Variants in SLC25A26 observed in about 807,000 individuals in gnomAD.
The protein encoded by SLC25A26 is mitochondrial S-adenosylmethionine carrier protein.
In SLC25A26, 36 loss-of-function variants were observed where a neutral mutation model predicts 37.8. The ratio of observed to expected loss-of-function variants is 0.95; its 90% CI spans 0.73 to 1.26. The LOEUF is 1.26. Among genes scored for constraint, SLC25A26 ranks in the 50% most tolerant of loss-of-function variants. The pLI, the probability that SLC25A26 is intolerant of heterozygous loss-of-function variation, is 0.00. For missense variants in SLC25A26, 390 were observed against 331.1 expected (o/e 1.18, Z -1.38); for synonymous variants, 129 against 122.5 (o/e 1.05, Z -0.35).
chr3:66,317,060 C>G (rs2075559712), intron 5 of SLC25A26, among the ~76,000 whole-genome samples: 1 of 152,184 alleles, frequency 6.6e-6, no homozygotes, highest in African/African-American at 2.4e-5. Flanking sequence ...ACTCCTTTAT[C>G]TCAGCAAAGT....
intron 5 of SLC25A26, among the ~76,000 whole-genome samples, chr3:66,332,218 G>T (rs1323554446): frequency 6.6e-6 from 1 of 152,034 alleles, no homozygotes; most frequent in Non-Finnish European, 1.5e-5. Flanking sequence ...GATTACAGGC[G>T]TGAGCCACCA....
At chr3:66,246,097 G>A (rs1448219629) in intron 3 of SLC25A26, among the ~76,000 whole-genome samples, 2 of 152,150 alleles carry the variant, frequency 1.3e-5, no homozygotes, top group African/African-American at 4.8e-5. Context: ...ACTTTTTTCA[G>A]CTAGTGTAGT....
chr3:66,228,518 C>T (rs1553661777), intron 1 of SLC25A26, among the ~76,000 whole-genome samples: 3 of 152,172 alleles, frequency 2.0e-5, no homozygotes, highest in African/African-American at 4.8e-5. Context: ...TATCTCACCT[C>T]CCCAAATCAG....
At chr3:66,377,633 G>A in intron 9 of SLC25A26, 57 bp from the exon 10 acceptor site, 1 of 1,398,696 alleles carries the variant, frequency 7.1e-7, no homozygotes, top group Non-Finnish European at 1.0e-6. Flanking sequence ...GTGGGTATTG[G>A]AATTTAACCT....
chr3:66,208,955 T>C (rs2071224441), intron 1 of SLC25A26, among the ~76,000 whole-genome samples: 1 of 109,550 alleles, frequency 9.1e-6, no homozygotes, highest in Non-Finnish European at 1.8e-5. Context: ...TTTATATATA[T>C]ATACCCATAT....
intron 5 of SLC25A26, among the ~76,000 whole-genome samples, chr3:66,279,299 T>G (rs1397274433): frequency 6.6e-6 from 1 of 152,188 alleles, no homozygotes; most frequent in African/African-American, 2.4e-5. Context: ...TGTTTGGGCT[T>G]CTATTCTTGG....
intron 1 of SLC25A26, among the ~76,000 whole-genome samples, chr3:66,222,232 G>C (rs956219053): frequency 6.6e-6 from 1 of 150,660 alleles, no homozygotes; most frequent in African/African-American, 2.4e-5. Flanking sequence ...CCAGGCTGGA[G>C]TGTGGTGGCG....
chr3:66,376,106 A>T lies in SLC25A26; in HGVS notation c.708-1584A>T, dbSNP rs1474163597. ...CCGTAGTCAGAAGTGGAGCCTGAAGATGTAAAGAATTGCCACAATCTCATG... is the reference window on the plus strand; with the variant it reads ...CCGTAGTCAGAAGTGGAGCCTGAAGTTGTAAAGAATTGCCACAATCTCATG... On this transcript the variant is annotated intron_variant, in intron 9 of 9. Transcript: ENST00000354883. Among the ~76,000 whole-genome samples the T allele has an allele frequency of 2.0e-5, 3 of 150,830 alleles. No homozygotes were observed. In the Admixed American group the frequency reaches 2.0e-4, roughly 10 times the overall value.
At chr3:66,214,389 C>G (rs1181658817) in intron 1 of SLC25A26, among the ~76,000 whole-genome samples, 3 of 152,184 alleles carry the variant, frequency 2.0e-5, no homozygotes, top group Non-Finnish European at 4.4e-5. Context: ...ATATGTTACA[C>G]AACCTAAAGT....
In SLC25A26 at chr3:66,377,791, G is replaced by C; in HGVS notation, c.809G>C (p.Gly270Ala). The change falls in exon 10 of 10, where the codon GGC (glycine) becomes GCC (alanine). Residue 270 changes from glycine (G) to alanine (A), a missense_variant. Coordinates refer to ENST00000354883, the MANE Select transcript of SLC25A26 (RefSeq NM_001379210.1). Reference sequence around the variant, plus strand: ...ACGCACAGCTTGCTGTTGGAAGTTGGCAGAAAGAGTCCTTGAAGCAGAGAC... The same window carrying C: ...ACGCACAGCTTGCTGTTGGAAGTTGCCAGAAAGAGTCCTTGAAGCAGAGAC... ...DRTHSLLLEVGRKSP is the reference protein window; with the variant it reads ...DRTHSLLLEVARKSP 6.2e-7 allele frequency: 1 copy of C among 1,613,712 alleles called. No homozygotes were observed. The highest frequency in any genetic ancestry group is 8.5e-7 in the Non-Finnish European group (1 of 1,179,700).
intron 6 of SLC25A26, among the ~76,000 whole-genome samples, chr3:66,357,930 C>T (rs1223569723): frequency 6.6e-6 from 1 of 152,106 alleles, no homozygotes; most frequent in Non-Finnish European, 1.5e-5. Flanking sequence ...TGCCCCTCAC[C>T]TGTTTTTGTG....
chr3:66,156,595 C>A (rs1288756623), intron 1 of SLC25A26, among the ~76,000 whole-genome samples: 1 of 152,154 alleles, frequency 6.6e-6, no homozygotes, highest in Non-Finnish European at 1.5e-5. Flanking sequence ...ATGTTCCTTG[C>A]AATTCTCCTT....
chr3:66,246,288 T>C (rs966161517), intron 3 of SLC25A26, among the ~76,000 whole-genome samples: 3 of 152,198 alleles, frequency 2.0e-5, no homozygotes, highest in African/African-American at 7.2e-5. Flanking sequence ...GGCCACTTCA[T>C]TTCACCTGGG....
intron 1 of SLC25A26, among the ~76,000 whole-genome samples, chr3:66,145,077 T>A (rs950162353): frequency 6.6e-6 from 1 of 152,112 alleles, no homozygotes; most frequent in Middle Eastern, 3.4e-3. Flanking sequence ...GTAAAATCAA[T>A]GGATTGGAAA....
intron 3 of SLC25A26, among the ~76,000 whole-genome samples, chr3:66,257,244 A>G (rs2073339177): frequency 6.6e-6 from 1 of 152,048 alleles, no homozygotes; most frequent in African/African-American, 2.4e-5. Context: ...GGACCTAAAA[A>G]GATACCATAA....
chr3:66,298,576 TAAGAA>T (rs61082490), intron 5 of SLC25A26, among the ~76,000 whole-genome samples: 148 of 152,346 alleles, frequency 9.7e-4, no homozygotes, highest in African/African-American at 3.2e-3. Context: ...GAAAGTGTCT[TAAGAA>T]AAGAGCATTT....
Position 66,314,774 on chromosome 3 carries a change from G to T in SLC25A26, c.454-31590G>T, listed in dbSNP as rs552609309. ...GGGCTTTTTTTTGTTTTTTTTTTTA[G>T]TTATTTATTACTGCCTCAATTTCAG... On this transcript the variant is annotated intron_variant, in intron 5 of 9. Coordinates refer to ENST00000354883, the MANE Select transcript of SLC25A26 (RefSeq NM_001379210.1). Among the ~76,000 whole-genome samples the T allele has an allele frequency of 2.3e-4, 33 of 146,132 alleles. No individual in the cohort carries two copies. The South Asian group carries it at 2.6e-3, about 11-fold the overall frequency.
chr3:66,184,503 A>G (rs955140441), intron 1 of SLC25A26, among the ~76,000 whole-genome samples: 1 of 47,262 alleles, frequency 2.1e-5, no homozygotes, highest in East Asian at 4.2e-4. Context: ...GTGACCATCA[A>G]ATGATTCTAC....
At chr3:66,153,775 GGTCTTGTA>G (rs1164348673) in intron 1 of SLC25A26, among the ~76,000 whole-genome samples, 75 of 152,230 alleles carry the variant, frequency 4.9e-4, no homozygotes, top group African/African-American at 1.8e-3. Context: ...TGCTGGGCTT[GGTCTTGTA>G]AAGCCAAATG....
Sources: gnomAD v4.1 joint callset for allele counts (sites outside exome capture counted in the v4.1 genomes callset) on GRCh38, gnomAD v4.1.1 for gene constraint, MANE v1.5 for transcripts, NCBI Gene and HGNC (gene_info 2026-07-23, HGNC 2026-07-21) for gene names.